Variants in BSG observed in about 807,000 individuals in gnomAD.
BSG encodes basigin (Ok blood group).
In BSG, 37 loss-of-function variants were observed where a neutral mutation model predicts 43.1. The ratio of observed to expected loss-of-function variants is 0.86; its 90% CI spans 0.66 to 1.13. The LOEUF (loss-of-function observed/expected upper bound fraction) is 1.13. BSG is among the 50% of genes most tolerant of loss of function. The pLI, the probability that BSG is intolerant of heterozygous loss-of-function variation, is 0.00. For missense variants in BSG, 599 were observed against 554.2 expected, an observed-to-expected ratio of 1.08 and a Z score of -0.81; for synonymous variants, 309 against 238.7, an observed-to-expected ratio of 1.29 and a Z score of -2.72.
In BSG at chr19:578,094, G is replaced by A. The variant is rs182826947; in HGVS notation, c.388G>A (p.Ala130Thr). 8 of 1,593,496 alleles carry A rather than the reference G, an allele frequency of 5.0e-6. No individual in the cohort carries two copies. The highest frequency in any genetic ancestry group is 2.7e-5 in the African/African-American group (2 of 74,662). The change falls in exon 2 of 9, where the codon GCC (alanine) becomes ACC (threonine). Residue 130 changes from alanine to threonine, a missense_variant. Coordinates refer to ENST00000333511, the MANE Select transcript of BSG (RefSeq NM_001728.4). Reference sequence around the variant, plus strand: ...GGCGCCCAGGGTCAAGTGGGTCCGCGCCCAGGCAGTCGTGCTAGTCCTGGA... The same window carrying A: ...GGCGCCCAGGGTCAAGTGGGTCCGCACCCAGGCAGTCGTGCTAGTCCTGGA... ...TRAPRVKWVR[A>T]QAVVLVLEPG...
chr19:581,183 C>T, intron 5 of BSG, 132 bp from the exon 6 acceptor site: 1 of 1,019,374 alleles, frequency 9.8e-7, no homozygotes, highest in Non-Finnish European at 1.4e-6. Context: ...GGGGCCTAGA[C>T]TGGGGGTCCC....
In BSG at chr19:572,615, A is replaced by T. The variant is rs867370549; in HGVS notation, c.-20A>T. 3 of 1,489,744 alleles carry T rather than the reference A, an allele frequency of 2.0e-6. No homozygotes were observed. In the African/African-American group the frequency reaches 4.3e-5, roughly 22 times the overall value. The allele number at this position is 1,489,744 out of a possible 1,614,324, so 92.3% of individuals were successfully genotyped here. On this transcript the variant is annotated 5_prime_UTR_variant, in exon 1 of 9. Transcript: ENST00000333511. The stretch of plus-strand genomic sequence containing the variant: ...GGCGGCAGCGGTTGGAGGTTGTAGG[A>T]CCGGCGAGGAATAGGAATCATGGCG...
At chr19:571,432 T>A, upstream of BSG, 1 of 737,420 alleles carries the variant, frequency 1.4e-6, no homozygotes, top group South Asian at 1.4e-5. Context: ...AATAGCGACT[T>A]TTCTCACCGT....
intron 1 of BSG, among the ~76,000 whole-genome samples, chr19:573,995 C>G (rs766958399): frequency 6.6e-6 from 1 of 152,230 alleles, no homozygotes; most frequent in Non-Finnish European, 1.5e-5. Flanking sequence ...TGGCTCACAC[C>G]TGTAATCCCA....
rs968958467 is a variant in BSG, at chr19:572,790, G to A, written c.67+89G>A. 1.9e-5 allele frequency: 25 copies of A among 1,284,982 alleles called. No homozygotes were observed. In the African/African-American group the frequency reaches 3.6e-4, roughly 18 times the overall value. 79.6% of individuals were successfully genotyped at this position (1,284,982 alleles called of 1,614,324 possible). A position where few individuals can be genotyped will look rare whatever the true frequency, so the allele number is the denominator to read the frequency against. ...CGACCCGAAGCCGACGGGAGCCTGG[G>A]GCCTCGGCGCGGGGCGGCCTGGGGT... On this transcript the variant is annotated intron_variant, in intron 1 of 8. Coordinates refer to ENST00000333511, the MANE Select transcript of BSG (RefSeq NM_001728.4).
intron 1 of BSG, among the ~76,000 whole-genome samples, chr19:576,151 C>T (rs866870876): frequency 1.8e-4 from 27 of 152,230 alleles, no homozygotes; most frequent in Admixed American, 1.6e-3. Flanking sequence ...GGGGGCAGCT[C>T]GGCTGCGGGC....
In BSG at chr19:575,965, G is replaced by A. The variant is rs574157191; in HGVS notation, c.68-1809G>A. Among the ~76,000 whole-genome samples the A allele has an allele frequency of 1.1e-4, 17 of 152,296 alleles. No homozygotes were observed. In the East Asian group the frequency reaches 2.3e-3, roughly 21 times the overall value. On this transcript the variant is annotated intron_variant, in intron 1 of 8. Transcript: ENST00000333511. ...GACGCCCCCCCACCCCCAGTGACAC[G>A]TCAATACACAGACACCAGCATCATC...
intron 1 of BSG, among the ~76,000 whole-genome samples, chr19:577,405 G>A (rs1347521321): frequency 2.0e-5 from 3 of 152,170 alleles, no homozygotes; most frequent in Non-Finnish European, 4.4e-5. Flanking sequence ...GGGTCTCTGG[G>A]GTCAGGGTAT....
chr19:572,532 C>CGTGCGTGCGCGCGCCCG (rs1344448311), upstream of BSG: 3 of 1,294,354 alleles, frequency 2.3e-6, no homozygotes, highest in Non-Finnish European at 3.0e-6. Context: ...GAGATGACGC[C>CGTGCGTGCGCGCGCCCG]GTGCGTGCGC....
At chr19:574,761 T>C (rs1019747032) in intron 1 of BSG, among the ~76,000 whole-genome samples, 2 of 152,192 alleles carry the variant, frequency 1.3e-5, no homozygotes, top group Non-Finnish European at 2.9e-5. Context: ...GTCTGAGATT[T>C]CGTCTTCCTG....
chr19:576,671 G>T (rs1423636581), intron 1 of BSG, among the ~76,000 whole-genome samples: 1 of 151,910 alleles, frequency 6.6e-6, no homozygotes, highest in Admixed American at 6.6e-5. Flanking sequence ...TGAGGCAGGA[G>T]AATTGCTTGA....
chr19:581,834 G>C (rs995505778), intron 6 of BSG, among the ~76,000 whole-genome samples: 36 of 152,264 alleles, frequency 2.4e-4, no homozygotes, highest in Non-Finnish European at 2.9e-5. Context: ...GCCTCACCCG[G>C]CCCTTCCCTC....
intron 1 of BSG, among the ~76,000 whole-genome samples, chr19:576,101 A>C (rs1981748856): frequency 6.6e-6 from 1 of 152,258 alleles, no homozygotes; most frequent in African/African-American, 2.4e-5. Context: ...GGACCGGTGC[A>C]GATGGCGCCT....
chr19:580,475 C>G lies in BSG; in HGVS notation c.655+14C>G, dbSNP rs368198584. On this transcript the variant is annotated intron_variant, in intron 4 of 8. Coordinates refer to ENST00000333511, the MANE Select transcript of BSG (RefSeq NM_001728.4). ...TCCAGCTCCACGGTGAGTCCTGCAG[C>G]CAGGGGTACCGGGCACCACCGACTG... 4.3e-6 allele frequency: 7 copies of G among 1,609,584 alleles called. No homozygotes were observed. The highest frequency in any genetic ancestry group is 2.2e-5 in the East Asian group (1 of 44,836).
At chr19:581,041 G>A (rs1329179976) in intron 5 of BSG, among the ~76,000 whole-genome samples, 1 of 92,024 alleles carries the variant, frequency 1.1e-5, no homozygotes, top group Non-Finnish European at 2.0e-5. Context: ...TGGGGGTCCC[G>A]GACCCAGCCC....
intron 3 of BSG, 117 bp downstream of exon 3, chr19:579,773 T>C (rs1982123960): frequency 7.0e-7 from 1 of 1,438,506 alleles, no homozygotes. Flanking sequence ...CAGGCGGAAG[T>C]TAGGGACCAG....
upstream of BSG, chr19:572,526 T>A: frequency 8.0e-7 from 1 of 1,253,740 alleles, no homozygotes; most frequent in Non-Finnish European, 1.0e-6. Context: ...GCCCCCGAGA[T>A]GACGCCGTGC....
chr19:571,828 T>G (rs779745003), upstream of BSG: 4 of 543,384 alleles, frequency 7.4e-6, no homozygotes, highest in Non-Finnish European at 1.3e-5. Context: ...TGATCCCGGT[T>G]GGCTAAAACT....
upstream of BSG, chr19:571,638 G>C (rs1468710898): frequency 2.6e-6 from 2 of 777,940 alleles, no homozygotes; most frequent in East Asian, 4.9e-5. Context: ...TGGGGGCGGC[G>C]AGTCGGTCCC....
Sources: allele counts gnomAD v4.1 joint callset (sites outside exome capture counted in the v4.1 genomes callset), GRCh38; gene constraint gnomAD v4.1.1; transcripts MANE v1.5; gene names NCBI Gene and HGNC (gene_info 2026-07-23, HGNC 2026-07-21).